Variants in HCRTR1 observed in about 807,000 individuals in gnomAD.
HCRTR1 encodes the protein orexin/Hypocretin receptor type 1.
Under a neutral mutation model 40.6 loss-of-function variants are expected in HCRTR1, and 28 were observed. The ratio of observed to expected loss-of-function variants is 0.69; its 90% confidence interval spans 0.51 to 0.95. The LOEUF is 0.95. Among genes scored for constraint, HCRTR1 ranks in the 40% least tolerant of loss-of-function variants. The pLI is 0.00. For missense variants in HCRTR1, 482 were observed against 564.7 expected (o/e 0.85, Z 1.48); for synonymous variants, 209 against 230.0 (o/e 0.91, Z 0.83).
At chr1:31,621,167 G>C (rs1291795709) in intron 5 of HCRTR1, 81 bp downstream of exon 5, 4 of 1,505,182 alleles carry the variant, frequency 2.7e-6, no homozygotes, top group African/African-American at 2.7e-5. Flanking sequence ...CATCTAGCAG[G>C]GTCCCTTCCA....
At chr1:31,630,713 A>G, downstream of HCRTR1, 1 of 1,614,142 alleles carries the variant, frequency 6.2e-7, no homozygotes, top group Non-Finnish European at 8.5e-7. Flanking sequence ...CTCTGTCAGC[A>G]CCTGCAGCTG....
In HCRTR1 at chr1:31,625,042, C is replaced by T. The variant is rs761031053; in HGVS notation, c.1011C>T (p.Tyr337=). 8 of 1,612,940 alleles carry T rather than the reference C, an allele frequency of 5.0e-6. No homozygotes were observed. Among genetic ancestry groups the T allele is most frequent in the South Asian group, 1.1e-5 (1 of 90,882 alleles). Residue 337 remains tyrosine (Y), a synonymous_variant, in exon 8 of 9, where the codon TAC becomes TAT. Transcript: ENST00000403528. This position sits in a 1 kb window ranked among gnomAD's most constrained non-coding sequence, Gnocchi z 4.2. The part of the protein sequence containing the change: ...FRQASDREAV[Y]ACFTFSHWLV... ...AAGCCAGTGACCGCGAAGCTGTCTA[C>T]GCCTGCTTCACCTTCTCCCACTGGC...
chr1:31,626,990 G>A lies in HCRTR1; in HGVS notation c.*10G>A, dbSNP rs1639993274. The A allele has an allele frequency of 2.5e-6, 4 of 1,603,778 alleles. No homozygotes were observed. The East Asian group carries it at 6.7e-5, about 27-fold the overall frequency. On this transcript the variant is annotated 3_prime_UTR_variant, in exon 9 of 9. Transcript: ENST00000403528. This position sits in a 1 kb window ranked among gnomAD's most constrained non-coding sequence, Gnocchi z 4.6. Reference sequence around the variant, plus strand: ...CACAGTGCTGCCCTGAGCGAGGGCTGCCCTGGAGGCTCCGGCTCGGGGGAT... The same window carrying A: ...CACAGTGCTGCCCTGAGCGAGGGCTACCCTGGAGGCTCCGGCTCGGGGGAT...
intron 7 of HCRTR1, among the ~76,000 whole-genome samples, 161 bp downstream of exon 7, chr1:31,623,910 A>T (rs778847329): frequency 6.6e-6 from 1 of 152,162 alleles, no homozygotes; most frequent in Non-Finnish European, 1.5e-5. Flanking sequence ...CTATCGTGAA[A>T]ATTCACGCAT....
Position 31,625,099 on chromosome 1 carries a change from C to G in HCRTR1, c.1068C>G (p.Ile356Met). 1 of 1,611,398 alleles carries G rather than the reference C, an allele frequency of 6.2e-7. No homozygotes were observed. The highest frequency in any genetic ancestry group is 1.1e-5 in the South Asian group (1 of 90,598). ...ACGCCAACAGCGCTGCCAACCCCAT[C>G]ATCTACAACTTCCTCAGTGGTGAGC... ...LVYANSAANP[I>M]IYNFLSGKFR... Residue 356 changes from isoleucine (I) to methionine (M), a missense_variant, in exon 8 of 9, where the codon ATC becomes ATG. Ile to Met is a conservative substitution (Grantham distance 10, BLOSUM62 1). Coordinates refer to ENST00000403528, the MANE Select transcript of HCRTR1 (RefSeq NM_001525.3). This position sits in a 1 kb window ranked among gnomAD's most constrained non-coding sequence, Gnocchi z 4.2.
chr1:31,632,630 C>T (rs1640141673), downstream of HCRTR1: 1 of 1,613,746 alleles, frequency 6.2e-7, no homozygotes, highest in African/African-American at 1.3e-5. Context: ...TTGGTCTTGT[C>T]AAACATGTCT....
chr1:31,632,007 C>A (rs1245930380), downstream of HCRTR1, among the ~76,000 whole-genome samples: 1 of 152,216 alleles, frequency 6.6e-6, no homozygotes, highest in Non-Finnish European at 1.5e-5. Flanking sequence ...AGACCTGGGG[C>A]TGTGGCCTCA....
Position 31,625,943 on chromosome 1 carries a change from A to G in HCRTR1, c.1087+825A>G, listed in dbSNP as rs545906705. Among the ~76,000 whole-genome samples, 19 of 152,228 alleles carry G rather than the reference A, an allele frequency of 1.2e-4. No homozygotes were observed. Among genetic ancestry groups the G allele is most frequent in the Non-Finnish European group, 2.6e-4 (18 of 68,040 alleles). On this transcript the variant is annotated intron_variant, in intron 8 of 8. Coordinates refer to ENST00000403528, the MANE Select transcript of HCRTR1 (RefSeq NM_001525.3). This position sits in a 1 kb window ranked among gnomAD's most constrained non-coding sequence, Gnocchi z 4.2. ...CATTGAGACTCAAGAATTACTCAAC[A>G]AGGCTGGCTGCGGGTTTCCAGGTCA...
At chr1:31,630,389 T>A (rs1319342641), downstream of HCRTR1, 25 of 565,598 alleles carry the variant, frequency 4.4e-5, no homozygotes, top group Non-Finnish European at 7.6e-5. Flanking sequence ...TCAACTTCTA[T>A]CCTCTCCTCC....
chr1:31,624,760 GC>G (rs1038489737), intron 7 of HCRTR1, among the ~76,000 whole-genome samples: 2 of 152,164 alleles, frequency 1.3e-5, no homozygotes, highest in African/African-American at 2.4e-5. Flanking sequence ...TGGATGGGAA[GC>G]CCCAGGGGAT....
In HCRTR1 at chr1:31,619,565, G is replaced by T; in HGVS notation, c.233G>T (p.Arg78Met). ...GCCGTGTGGCGGAACCACCACATGA[G>T]GACAGTCACCAACTACTTCATTGTC... ...CLAVWRNHHM[R>M]TVTNYFIVNL... Residue 78 changes from arginine to methionine, a missense_variant, in exon 4 of 9, where the codon AGG (arginine) becomes ATG (methionine). By Grantham distance (91) the Arg-to-Met change is moderately conservative. Transcript: ENST00000403528. 1.9e-6 allele frequency: 3 copies of T among 1,614,132 alleles called. No individual in the cohort carries two copies. The East Asian group carries it at 6.7e-5, about 36-fold the overall frequency.
rs1360443399 is a variant in HCRTR1, at chr1:31,619,349, TA to T, written c.158del (p.Tyr53LeufsTer25). On this transcript the variant is annotated frameshift_variant, in exon 3 of 9. Transcript: ENST00000403528. LOFTEE classifies it high-confidence loss of function. ...GTATGAGTGGGTCCTCATCGCAGCC[TA>T]TGTGGCTGTGTTCGTCGTGGCCCTG... ...KQYEWVLIAA[Y>X]VAVFVVALVG... 6.8e-6 allele frequency: 11 copies of T among 1,614,242 alleles called. No homozygotes were observed. The highest frequency in any genetic ancestry group is 9.3e-6 in the Non-Finnish European group (11 of 1,180,034).
chr1:31,629,362 C>A (rs1640035075), downstream of HCRTR1, among the ~76,000 whole-genome samples: 1 of 152,228 alleles, frequency 6.6e-6, no homozygotes, highest in African/African-American at 2.4e-5. Flanking sequence ...AGCCCCCTGG[C>A]AAACTAGAAT....
Position 31,623,598 on chromosome 1 carries a change from C to A in HCRTR1, c.814C>A (p.Leu272Met). Residue 272 changes from leucine to methionine, a missense_variant, in exon 7 of 9, where the codon CTG becomes ATG. Coordinates refer to ENST00000403528, the MANE Select transcript of HCRTR1 (RefSeq NM_001525.3). The stretch of plus-strand genomic sequence containing the variant: ...CCAGCTGGGGGACCTGGAGCAGGGC[C>A]TGAGTGGAGAGCCCCAGCCCCGGGC... ...SDQLGDLEQG[L>M]SGEPQPRARA... The A allele has an allele frequency of 6.2e-7, 1 of 1,613,630 alleles. No homozygotes were observed. The highest frequency in any genetic ancestry group is 8.5e-7 in the Non-Finnish European group (1 of 1,179,992).
At chr1:31,632,355 T>A (rs1357935358), downstream of HCRTR1, 1 of 1,422,782 alleles carries the variant, frequency 7.0e-7, no homozygotes, top group African/African-American at 1.4e-5. Context: ...GGGTGAGGGA[T>A]GCAGGCCTGC....
At chr1:31,632,536 C>T (rs140422275), downstream of HCRTR1, 175 of 1,614,116 alleles carry the variant, frequency 1.1e-4, no homozygotes, top group Non-Finnish European at 1.2e-4. Flanking sequence ...CGAGCGGTCC[C>T]GGTCATACTG....
At chr1:31,632,786 G>T, downstream of HCRTR1, 1 of 935,684 alleles carries the variant, frequency 1.1e-6, no homozygotes, top group Non-Finnish European at 1.6e-6. Flanking sequence ...GCCTGCACCT[G>T]AGACACCCAC....
chr1:31,632,436 G>C, downstream of HCRTR1: 1 of 1,612,106 alleles, frequency 6.2e-7, no homozygotes, highest in Non-Finnish European at 8.5e-7. Context: ...TGTATCTTAG[G>C]GTGTAAAGAG....
downstream of HCRTR1, among the ~76,000 whole-genome samples, chr1:31,632,161 G>A (rs1274385863): frequency 6.6e-6 from 1 of 152,208 alleles, no homozygotes; most frequent in Non-Finnish European, 1.5e-5. Flanking sequence ...AGAAACTGGA[G>A]AGAAAGGAGT....
Sources: gnomAD v4.1 joint callset for allele counts (sites outside exome capture counted in the v4.1 genomes callset) on GRCh38, gnomAD v4.1.1 for gene constraint, Gnocchi (gnomAD v3.1) non-coding constraint, MANE v1.5 for transcripts, NCBI Gene and HGNC (gene_info 2026-07-23, HGNC 2026-07-21) for gene names.